CWC22: variants seen among roughly 807,000 people sequenced by gnomAD.
CWC22 encodes the protein pre-mRNA-splicing factor CWC22 homolog.
Under a neutral mutation model 117.2 loss-of-function variants are expected in CWC22, and 53 were observed. The ratio of observed to expected loss-of-function variants is 0.45; its 90% CI spans 0.36 to 0.57. The LOEUF (loss-of-function observed/expected upper bound fraction) is 0.57. Ranked by LOEUF, CWC22 falls within the 20% of genes least tolerant of loss-of-function variation. The pLI is 0.00. For missense variants in CWC22, 980 were observed against 1,068.8 expected, an observed-to-expected ratio of 0.92 and a Z score of 1.16; for synonymous variants, 360 against 355.6, an observed-to-expected ratio of 1.01 and a Z score of -0.14.
intron 19 of CWC22, among the ~76,000 whole-genome samples, chr2:179,946,449 C>CA (rs61200729): frequency 0.27 from 10,437 of 39,102 alleles, 1,717 homozygotes; most frequent in Admixed American, 0.4. Context: ...GGACTCTGTC[C>CA]AAAAAAAAAA....
chr2:179,945,520 T>G lies in CWC22; in HGVS notation c.2336A>C (p.Asp779Ala). 1.9e-6 allele frequency: 3 copies of G among 1,613,256 alleles called. No homozygotes were observed. The highest frequency in any genetic ancestry group is 2.5e-6 in the Non-Finnish European group (3 of 1,179,414). The part of the protein sequence containing the change: ...DQNSSGSNWR[D>A]PITKYTSDKD... ...GTCTGATGTGTACTTTGTTATAGGATCTCTCCAATTTGAACCACTTGAATT... is the reference window on the plus strand; with the variant it reads ...GTCTGATGTGTACTTTGTTATAGGAGCTCTCCAATTTGAACCACTTGAATT... Residue 779 changes from aspartate (D) to alanine (A), a missense_variant, in exon 20 of 20, where the codon GAT (aspartate) becomes GCT (alanine). By Grantham distance (126) the Asp-to-Ala change is moderately radical (BLOSUM62 -2). Coordinates refer to ENST00000410053, the MANE Select transcript of CWC22 (RefSeq NM_020943.3).
intron 13 of CWC22, among the ~76,000 whole-genome samples, chr2:179,960,999 G>A (rs1427550195): frequency 6.6e-6 from 1 of 151,860 alleles, no homozygotes; most frequent in East Asian, 1.9e-4. Flanking sequence ...GAGGTGAAAG[G>A]CGTACCAGGA....
Position 179,954,388 on chromosome 2 carries a change from A to G in CWC22, c.1537-31T>C, listed in dbSNP as rs189293185. 6,833 of 1,391,248 alleles carry G rather than the reference A, an allele frequency of 4.9e-3. 46 individuals are homozygous for G. The highest frequency in any genetic ancestry group is 6.0e-3 in the Middle Eastern group (32 of 5,366). 86.2% of individuals were successfully genotyped at this position (1,391,248 alleles called of 1,614,324 possible). A position where few individuals can be genotyped will look rare whatever the true frequency, so the allele number is the denominator to read the frequency against. On this transcript the variant is annotated intron_variant, in intron 15 of 19. Coordinates refer to ENST00000410053, the MANE Select transcript of CWC22 (RefSeq NM_020943.3). ...AAATAAAAAATCAGTACCATTAAAA[A>G]TTGAATGTTAATACAATTATGAGCA...
chr2:179,995,980 A>C (rs1448129719), intron 1 of CWC22, among the ~76,000 whole-genome samples: 1 of 152,196 alleles, frequency 6.6e-6, no homozygotes, highest in African/African-American at 2.4e-5. Flanking sequence ...TTGTTCCCAC[A>C]TCTCTGACTA....
intron 6 of CWC22, among the ~76,000 whole-genome samples, chr2:179,977,707 ATTT>A (rs1247231077): frequency 3.9e-5 from 6 of 152,204 alleles, no homozygotes; most frequent in Non-Finnish European, 5.9e-5. Flanking sequence ...AACAGAGTAG[ATTT>A]TTAAGTGTTC....
At chr2:179,999,406 G>A (rs1174318555) in intron 1 of CWC22, among the ~76,000 whole-genome samples, 1 of 152,040 alleles carries the variant, frequency 6.6e-6, no homozygotes, top group Non-Finnish European at 1.5e-5. Flanking sequence ...TTTCCAATAG[G>A]AGATATAGTA....
Position 179,981,966 on chromosome 2 carries a change from C to G in CWC22, c.238G>C (p.Glu80Gln), listed in dbSNP as rs374000442. Reference protein sequence around the residue: ...NRDREKRRERERDTDRKRSRK... With the variant: ...NRDREKRRERQRDTDRKRSRK... ...GACCTTTTCCGATCCGTATCTCTTT[C>G]TCTTTCTCTGCGTTTTTCTCGGTCC... The change falls in exon 5 of 20, where the codon GAA becomes CAA. Residue 80 changes from glutamate (E) to glutamine (Q), a missense_variant. Physicochemically the swap from Glu to Gln is conservative, Grantham distance 29. Transcript: ENST00000410053. 5 of 1,553,154 alleles carry G rather than the reference C, an allele frequency of 3.2e-6. No homozygotes were observed. Among genetic ancestry groups the G allele is most frequent in the African/African-American group, 1.4e-5 (1 of 73,104 alleles).
At chr2:179,972,100 T>A (rs958706462) in intron 8 of CWC22, among the ~76,000 whole-genome samples, 1 of 152,202 alleles carries the variant, frequency 6.6e-6, no homozygotes, top group Non-Finnish European at 1.5e-5. Context: ...TGGTCTTAAG[T>A]AGCAAGTTAT....
At chr2:179,985,356 G>A (rs187161639) in intron 4 of CWC22, among the ~76,000 whole-genome samples, 137 of 152,104 alleles carry the variant, frequency 9.0e-4, no homozygotes, top group African/African-American at 3.2e-3. Flanking sequence ...ATTTCCATCT[G>A]CAGAATGCTA....
chr2:179,983,480 A>G (rs1687336007), intron 4 of CWC22, among the ~76,000 whole-genome samples: 1 of 152,144 alleles, frequency 6.6e-6, no homozygotes, highest in Admixed American at 6.6e-5. Flanking sequence ...TCCATGGTGT[A>G]TAAGTACGAC....
chr2:180,002,196 C>A (rs1687865191), intron 1 of CWC22, among the ~76,000 whole-genome samples: 1 of 152,188 alleles, frequency 6.6e-6, no homozygotes, highest in South Asian at 2.1e-4. Flanking sequence ...CCATCTTAAA[C>A]CAGCTCTTCT....
At chr2:179,956,582 CTA>C (rs111908450) in intron 14 of CWC22, among the ~76,000 whole-genome samples, 4 of 148,228 alleles carry the variant, frequency 2.7e-5, no homozygotes, top group East Asian at 2.0e-4. Flanking sequence ...TTATATTGTG[CTA>C]TATATATATA....
At chr2:179,982,578 A>T (rs956917570) in intron 4 of CWC22, among the ~76,000 whole-genome samples, 1 of 152,178 alleles carries the variant, frequency 6.6e-6, no homozygotes, top group Non-Finnish European at 1.5e-5. Context: ...ATAGAATATA[A>T]TATTTGAAGT....
rs954116535 is a variant in CWC22, at chr2:179,971,180, T to C, written c.805-104A>G. The C allele has an allele frequency of 1.1e-5, 9 of 811,958 alleles. No individual in the cohort carries two copies. In the South Asian group the frequency reaches 2.1e-4, roughly 19 times the overall value. 50.3% of individuals were successfully genotyped at this position (811,958 alleles called of 1,614,324 possible). ...AGTAAATCTGTTTACAATAATTATA[T>C]TGCACATATGATGGGCAAAGTTTTA... On this transcript the variant is annotated intron_variant, in intron 8 of 19. Coordinates refer to ENST00000410053, the MANE Select transcript of CWC22 (RefSeq NM_020943.3).
intron 3 of CWC22, among the ~76,000 whole-genome samples, chr2:179,987,881 C>T (rs930859767): frequency 2.6e-5 from 4 of 152,104 alleles, no homozygotes; most frequent in Admixed American, 6.5e-5. Context: ...TATAATCCAG[C>T]GGTCTCAAAC....
intron 1 of CWC22, among the ~76,000 whole-genome samples, chr2:179,997,377 T>A (rs1206441992): frequency 6.6e-6 from 1 of 152,088 alleles, no homozygotes; most frequent in South Asian, 2.1e-4. Context: ...AATAGAATTT[T>A]AAAAAATATT....
At chr2:179,981,489 T>C (rs1415233300) in intron 5 of CWC22, among the ~76,000 whole-genome samples, 3 of 152,102 alleles carry the variant, frequency 2.0e-5, no homozygotes, top group Non-Finnish European at 2.9e-5. Flanking sequence ...AGTTTGAACA[T>C]ACTATAAAAA....
At chr2:179,962,057 G>C (rs1442407497) in intron 13 of CWC22, among the ~76,000 whole-genome samples, 1 of 152,066 alleles carries the variant, frequency 6.6e-6, no homozygotes, top group Non-Finnish European at 1.5e-5. Flanking sequence ...ATCTCCCACT[G>C]ATGTTACAAC....
In CWC22 at chr2:179,952,467, T is replaced by C; in HGVS notation, c.1817+4A>G. 6.4e-7 allele frequency: 1 copy of C among 1,552,812 alleles called. No homozygotes were observed. Among genetic ancestry groups the C allele is most frequent in the Non-Finnish European group, 8.7e-7 (1 of 1,151,178 alleles). Reference sequence around the variant, plus strand: ...GAATAAAAAGTGCTTAATGGCAAACTTACTCATCCTTTAATCTTGCATTAA... The same window carrying C: ...GAATAAAAAGTGCTTAATGGCAAACCTACTCATCCTTTAATCTTGCATTAA... On this transcript the variant is annotated splice_donor_region_variant and intron_variant, in intron 17 of 19. Coordinates refer to ENST00000410053, the MANE Select transcript of CWC22 (RefSeq NM_020943.3).
Sources: allele counts gnomAD v4.1 joint callset (sites outside exome capture counted in the v4.1 genomes callset), GRCh38; gene constraint gnomAD v4.1.1; transcripts MANE v1.5; gene names NCBI Gene and HGNC (gene_info 2026-07-23, HGNC 2026-07-21).